Variants in PSMB2 observed in about 807,000 individuals in gnomAD.
PSMB2 encodes proteasome 20S subunit beta 2.
In PSMB2, 13 loss-of-function variants were observed where a neutral mutation model predicts 25.7. The ratio of observed to expected loss-of-function variants is 0.51; its 90% CI spans 0.33 to 0.80. PSMB2 has a LOEUF of 0.80. PSMB2 is among the 30% of genes least tolerant of loss of function. The pLI is 0.02. For missense variants in PSMB2, 202 were observed against 259.0 expected (o/e 0.78, Z 1.51); for synonymous variants, 87 against 96.2 (o/e 0.90, Z 0.56).
chr1:35,611,303 G>A (rs1571124303), intron 3 of PSMB2, among the ~76,000 whole-genome samples: 1 of 152,282 alleles, frequency 6.6e-6, no homozygotes, highest in South Asian at 2.1e-4. Context: ...ACGGCCACTT[G>A]GCAGCCTTAA....
chr1:35,617,105 G>C (rs1459994712), intron 3 of PSMB2, among the ~76,000 whole-genome samples: 1 of 152,158 alleles, frequency 6.6e-6, no homozygotes, highest in Non-Finnish European at 1.5e-5. Flanking sequence ...CTAGAGTACA[G>C]TGGCATGATC....
At chr1:35,640,101 T>TATACTA (rs758680374) in intron 1 of PSMB2, among the ~76,000 whole-genome samples, 1 of 151,964 alleles carries the variant, frequency 6.6e-6, no homozygotes, top group Non-Finnish European at 1.5e-5. Flanking sequence ...TATACTATAC[T>TATACTA]ATCTATACTA....
intron 3 of PSMB2, among the ~76,000 whole-genome samples, chr1:35,622,007 A>G (rs1650701783): frequency 6.6e-6 from 1 of 152,214 alleles, no homozygotes. Context: ...AAAAGAAGAA[A>G]AAAAAAAGCA....
intron 3 of PSMB2, among the ~76,000 whole-genome samples, chr1:35,614,457 T>C (rs910852860): frequency 3.3e-5 from 5 of 152,230 alleles, no homozygotes; most frequent in African/African-American, 9.6e-5. Flanking sequence ...CTGTACATGA[T>C]ATAATCTAGC....
Position 35,602,010 on chromosome 1 carries a change from T to C in PSMB2, c.*1257A>G, listed in dbSNP as rs1480605569. ...TATAAAACAATCTCTAATATAGTGT[T>C]AAGTGAAATAAGCAATATGCAGAAC... is the stretch of plus-strand genomic sequence containing the variant. On this transcript the variant is annotated 3_prime_UTR_variant, in exon 6 of 6. Coordinates refer to ENST00000373237, the MANE Select transcript of PSMB2 (RefSeq NM_002794.5). 4 of 791,558 alleles carry C rather than the reference T, an allele frequency of 5.1e-6. No individual in the cohort carries two copies. The highest frequency in any genetic ancestry group is 6.3e-5 in the Admixed American group (1 of 15,996). 49.0% of individuals were successfully genotyped at this position (791,558 alleles called of 1,614,324 possible). A position where few individuals can be genotyped will look rare whatever the true frequency, so the allele number is the denominator to read the frequency against.
At chr1:35,628,238 A>G (rs1217902948) in intron 3 of PSMB2, among the ~76,000 whole-genome samples, 3 of 152,136 alleles carry the variant, frequency 2.0e-5, no homozygotes, top group Non-Finnish European at 4.4e-5. Context: ...ACTGTCTACA[A>G]GGGATATTTG....
chr1:35,621,302 T>C (rs1470301422), intron 3 of PSMB2, among the ~76,000 whole-genome samples: 1 of 152,220 alleles, frequency 6.6e-6, no homozygotes, highest in Non-Finnish European at 1.5e-5. Context: ...CTTGTCACTC[T>C]GCAGTGCAAT....
chr1:35,629,940 G>A (rs142422220), intron 3 of PSMB2, among the ~76,000 whole-genome samples: 2,285 of 152,208 alleles, frequency 0.015, 61 homozygotes, highest in African/African-American at 0.051. Context: ...AGGCCAAGGC[G>A]GGCAGATCAC....
rs150381092 is a variant in PSMB2, at chr1:35,608,138, G to A, written c.448+1108C>T. On this transcript the variant is annotated intron_variant, in intron 4 of 5. Transcript: ENST00000373237. The stretch of plus-strand genomic sequence containing the variant: ...CCAACACTTTGGGAGGGCAAGGCGG[G>A]TGGATCACTTGAAGTCAGGAGTTCT... Among the ~76,000 whole-genome samples, 864 of 152,340 alleles carry A rather than the reference G, an allele frequency of 5.7e-3. 8 individuals are homozygous for A. The highest frequency in any genetic ancestry group is 0.02 in the African/African-American group (824 of 41,586).
chr1:35,628,629 A>ATTTTTTTTTTT (rs1401010119), intron 3 of PSMB2, among the ~76,000 whole-genome samples: 4 of 43,586 alleles, frequency 9.2e-5, no homozygotes, highest in East Asian at 6.7e-3. Flanking sequence ...ATATATATAT[A>ATTTTTTTTTTT]TATTTTTTTT....
At chr1:35,632,839 A>G (rs914183550) in intron 2 of PSMB2, among the ~76,000 whole-genome samples, 3 of 152,016 alleles carry the variant, frequency 2.0e-5, no homozygotes, top group African/African-American at 7.3e-5. Context: ...GGCTGCAATG[A>G]GCCATGATTG....
At chr1:35,603,472 C>G (rs1489719079) in intron 5 of PSMB2, 98 bp from the exon 6 acceptor site, 1 of 1,411,208 alleles carries the variant, frequency 7.1e-7, no homozygotes, top group Non-Finnish European at 9.6e-7. Context: ...AAACAAAAAT[C>G]CCTGCTTTTG....
At chr1:35,605,188 CAG>C (rs1234576310) in intron 5 of PSMB2, 43 bp downstream of exon 5, 1 of 1,563,664 alleles carries the variant, frequency 6.4e-7, no homozygotes, top group East Asian at 2.2e-5. Context: ...CACTGGCAAA[CAG>C]AGAGACAAAC....
chr1:35,616,971 T>G (rs978108017), intron 3 of PSMB2, among the ~76,000 whole-genome samples: 1 of 152,230 alleles, frequency 6.6e-6, no homozygotes, highest in African/African-American at 2.4e-5. Flanking sequence ...ACCTAGTACC[T>G]TTCCTAGCTC....
chr1:35,622,060 C>T (rs574384), intron 3 of PSMB2, among the ~76,000 whole-genome samples: 75 of 152,114 alleles, frequency 4.9e-4, no homozygotes, highest in African/African-American at 1.7e-3. Flanking sequence ...TAAATATACA[C>T]GTAACAACCT....
chr1:35,628,621 ATATATATATATTT>A (rs1335119499), intron 3 of PSMB2, among the ~76,000 whole-genome samples: 3 of 46,594 alleles, frequency 6.4e-5, no homozygotes, highest in African/African-American at 2.7e-4. Flanking sequence ...ATATATATAT[ATATATATATATTT>A]TTTTTTTTTT....
At chr1:35,603,409 T>C in intron 5 of PSMB2, 35 bp from the exon 6 acceptor site, 1 of 1,611,348 alleles carries the variant, frequency 6.2e-7, no homozygotes, top group Non-Finnish European at 8.5e-7. Context: ...AGTCAACAAA[T>C]GATTACTAAG....
intron 1 of PSMB2, among the ~76,000 whole-genome samples, chr1:35,636,968 T>A (rs556618250): frequency 2.6e-5 from 4 of 152,194 alleles, no homozygotes; most frequent in Non-Finnish European, 4.4e-5. Context: ...CATCAGCATA[T>A]TGTGTAATGC....
At chr1:35,633,452 G>C (rs779472653) in intron 2 of PSMB2, among the ~76,000 whole-genome samples, 2 of 150,522 alleles carry the variant, frequency 1.3e-5, no homozygotes, top group Non-Finnish European at 3.0e-5. Flanking sequence ...GTACTTGGCA[G>C]GTAATTTAAG....
Sources: gnomAD v4.1 joint callset for allele counts (sites outside exome capture counted in the v4.1 genomes callset) on GRCh38, gnomAD v4.1.1 for gene constraint, MANE v1.5 for transcripts, NCBI Gene and HGNC (gene_info 2026-07-23, HGNC 2026-07-21) for gene names.